The following INPP5F variants were observed in gnomAD, a reference collection of about 807,000 sequenced individuals.
The protein encoded by INPP5F is inositol polyphosphate-5-phosphatase F, also known as phosphatidylinositide 4-phosphatase SAC2.
Under a neutral mutation model 137.2 loss-of-function variants are expected in INPP5F, and 97 were observed. That is an observed-to-expected ratio of 0.71 (90% CI 0.60 to 0.84). The LOEUF (loss-of-function observed/expected upper bound fraction) is 0.84, where lower values mean the gene tolerates loss of function less well. INPP5F is among the 40% of genes least tolerant of loss of function. The pLI, the probability that INPP5F is intolerant of heterozygous loss-of-function variation, is 0.00. For synonymous variants in INPP5F, 504 were observed against 476.9 expected (o/e 1.06, Z -0.74); for missense variants, 1,271 against 1,371.9 (o/e 0.93, Z 1.16).
At chr10:119,751,182 T>G (rs1175014784) in intron 2 of INPP5F, 26 bp downstream of exon 2, 4 of 1,351,594 alleles carry the variant, frequency 3.0e-6, no homozygotes, top group Non-Finnish European at 4.2e-6. Context: ...CTCCTTAAAC[T>G]TGTCAAATTT....
intron 6 of INPP5F, among the ~76,000 whole-genome samples, chr10:119,794,621 C>A (rs1329680600): frequency 6.6e-6 from 1 of 151,484 alleles, no homozygotes; most frequent in East Asian, 2.0e-4. Flanking sequence ...CCTCACCTCC[C>A]GTACGGGGCG....
Position 119,785,286 on chromosome 10 carries a change from G to GTTTTTTTTTTTTTTTTTTTTTTTTTT in INPP5F, c.315+3531_315+3532insTTTTTTTTTTTTTTTTTTTTTTTTTT, listed in dbSNP as rs71019717. ...TAACCTTTTGTGGAACTGCCAGACTGTTTTTTTTTTTTTTTTGGAGACGGA... is the reference window on the plus strand; with the variant it reads ...TAACCTTTTGTGGAACTGCCAGACTGTTTTTTTTTTTTTTTTTTTTTTTTTTTTTTTTTTTTTTTTTTGGAGACGGA... On this transcript the variant is annotated intron_variant, in intron 3 of 19. Transcript: ENST00000650623. Among the ~76,000 whole-genome samples the GTTTTTTTTTTTTTTTTTTTTTTTTTT allele has an allele frequency of 3.0e-4, 32 of 106,224 alleles. 3 individuals are homozygous for GTTTTTTTTTTTTTTTTTTTTTTTTTT. The highest frequency in any genetic ancestry group is 5.2e-4 in the African/African-American group (14 of 26,796). 69.7% of individuals were successfully genotyped at this position (106,224 alleles called of 152,430 possible).
chr10:119,799,542 A>G (rs2134229668), intron 9 of INPP5F, among the ~76,000 whole-genome samples: 1 of 152,320 alleles, frequency 6.6e-6, no homozygotes, highest in East Asian at 1.9e-4. Flanking sequence ...GGAAATAGCA[A>G]ACCCTCAAAT....
intron 13 of INPP5F, 87 bp downstream of exon 13, chr10:119,808,147 C>G (rs977878376): frequency 6.1e-6 from 9 of 1,475,008 alleles, no homozygotes; most frequent in Non-Finnish European, 8.2e-6. Flanking sequence ...TGTGTGGGTT[C>G]CAGATTGCAG....
intron 14 of INPP5F, among the ~76,000 whole-genome samples, 166 bp from the exon 15 acceptor site, chr10:119,811,591 A>G (rs1193003480): frequency 6.6e-6 from 1 of 152,092 alleles, no homozygotes; most frequent in Non-Finnish European, 1.5e-5. Context: ...ATTGCTTATG[A>G]TTTTAGTGTC....
chr10:119,809,873 A>G (rs756577405), intron 13 of INPP5F, among the ~76,000 whole-genome samples: 3 of 152,276 alleles, frequency 2.0e-5, no homozygotes, highest in African/African-American at 4.8e-5. Flanking sequence ...CTAAAGCACC[A>G]TCTAACTGTG....
chr10:119,742,510 A>G (rs1243247673), intron 1 of INPP5F, among the ~76,000 whole-genome samples: 1 of 152,162 alleles, frequency 6.6e-6, no homozygotes, highest in African/African-American at 2.4e-5. Context: ...CTGGGCAAGG[A>G]TAGTAGCAGT....
intron 1 of INPP5F, among the ~76,000 whole-genome samples, chr10:119,737,908 T>C (rs1457910642): frequency 6.6e-6 from 1 of 152,212 alleles, no homozygotes; most frequent in Non-Finnish European, 1.5e-5. Context: ...CTTTTTTTTT[T>C]CTTTTAAGAC....
rs1449102091 is a variant in INPP5F, at chr10:119,827,265, A to G, written c.2884A>G (p.Arg962Gly). 1.4e-5 allele frequency: 22 copies of G among 1,614,076 alleles called. No individual in the cohort carries two copies. The highest frequency in any genetic ancestry group is 1.9e-5 in the Non-Finnish European group (22 of 1,180,042). The change falls in exon 20 of 20, where the codon AGA becomes GGA. Residue 962 changes from arginine to glycine, a missense_variant. By Grantham distance (125) the Arg-to-Gly change is moderately radical (BLOSUM62 -2). Around this residue, in one of 6 missense-constraint regions of INPP5F, gnomAD observed 490 missense variants for 443.7 expected, o/e 1.10. Coordinates refer to ENST00000650623, the MANE Select transcript of INPP5F (RefSeq NM_014937.4). ...FAKPMDIYCH[R>G]FVQDAQNKVT... ...CAAGCCTATGGATATTTACTGCCAC[A>G]GATTTGTGCAAGATGCACAGAACAA...
At chr10:119,759,636 A>T (rs1210910143) in intron 2 of INPP5F, among the ~76,000 whole-genome samples, 1 of 152,194 alleles carries the variant, frequency 6.6e-6, no homozygotes, top group African/African-American at 2.4e-5. Context: ...GATTACAGGC[A>T]TGAGTCACCA....
chr10:119,817,212 C>T (rs551076131), intron 15 of INPP5F, among the ~76,000 whole-genome samples: 1 of 152,244 alleles, frequency 6.6e-6, no homozygotes, highest in South Asian at 2.1e-4. Flanking sequence ...CATTATAGAC[C>T]ACATTTTGTT....
rs1348752744 is a variant in INPP5F, at chr10:119,748,866, TG to T, written c.98-2209del. Among the ~76,000 whole-genome samples, 1 of 152,188 alleles carries T rather than the reference TG, an allele frequency of 6.6e-6. No individual in the cohort carries two copies. Among genetic ancestry groups the T allele is most frequent in the African/African-American group, 2.4e-5 (1 of 41,462 alleles). ...TGAAGGTGGGGTTTTACCTGTGATC[TG>T]CCCCTTTCTGGACAGGAACCTGTGT... On this transcript the variant is annotated intron_variant, in intron 1 of 19. Coordinates refer to ENST00000650623, the MANE Select transcript of INPP5F (RefSeq NM_014937.4). The surrounding 1 kb of genome is among the most constrained non-coding windows in gnomAD (Gnocchi z 4.7).
At chr10:119,751,527 G>C (rs1848690082) in intron 2 of INPP5F, among the ~76,000 whole-genome samples, 1 of 152,184 alleles carries the variant, frequency 6.6e-6, no homozygotes, top group African/African-American at 2.4e-5. Flanking sequence ...GACTGTTCCT[G>C]ATGCAGTCAG....
chr10:119,758,049 G>A (rs1016399741), intron 2 of INPP5F, among the ~76,000 whole-genome samples: 1 of 152,128 alleles, frequency 6.6e-6, no homozygotes. Context: ...TCAGTGCTGG[G>A]GCTGTAGGTT....
intron 2 of INPP5F, among the ~76,000 whole-genome samples, chr10:119,752,237 A>T (rs914343995): frequency 1.3e-5 from 2 of 152,200 alleles, no homozygotes; most frequent in Non-Finnish European, 2.9e-5. Flanking sequence ...TTTATCGCAG[A>T]TGTGCGGTAA....
At chr10:119,783,633 C>T (rs527519196) in intron 3 of INPP5F, among the ~76,000 whole-genome samples, 1 of 152,282 alleles carries the variant, frequency 6.6e-6, no homozygotes, top group South Asian at 2.1e-4. Flanking sequence ...TAGGAACTAA[C>T]ATTTACATGG....
intron 2 of INPP5F, among the ~76,000 whole-genome samples, chr10:119,758,152 TA>T (rs989051537): frequency 6.6e-6 from 1 of 152,198 alleles, no homozygotes; most frequent in Non-Finnish European, 1.5e-5. Context: ...GTTTTACCAT[TA>T]AAAATGTAAT....
chr10:119,745,385 G>C (rs1405067185), intron 1 of INPP5F, among the ~76,000 whole-genome samples: 4 of 136,822 alleles, frequency 2.9e-5, no homozygotes, highest in Non-Finnish European at 6.3e-5. Flanking sequence ...TTTTTTCCAT[G>C]ACCTTTCATG....
intron 2 of INPP5F, among the ~76,000 whole-genome samples, chr10:119,775,668 A>G (rs924777058): frequency 9.2e-4 from 53 of 57,354 alleles, no homozygotes; most frequent in African/African-American, 2.0e-3. Flanking sequence ...AGTCATTGGA[A>G]AAAAAAAAAG....
Sources: allele counts gnomAD v4.1 joint callset (sites outside exome capture counted in the v4.1 genomes callset), GRCh38; gene constraint gnomAD v4.1.1; regional missense constraint gnomAD v4.1.1; non-coding constraint Gnocchi (gnomAD v3.1); transcripts MANE v1.5; gene names NCBI Gene and HGNC (gene_info 2026-07-23, HGNC 2026-07-21).